SLC6A2: variants seen among roughly 807,000 people sequenced by gnomAD.
The protein encoded by SLC6A2 is sodium-dependent noradrenaline transporter.
A neutral mutation model predicts 71.7 loss-of-function variants in SLC6A2; 26 were observed. The observed-to-expected ratio is 0.36, with a 90% CI of 0.27 to 0.50. SLC6A2 has a LOEUF of 0.50. Among genes scored for constraint, SLC6A2 ranks in the 20% least tolerant of loss-of-function variants. SLC6A2 has a pLI of 0.96. For synonymous variants in SLC6A2, 363 were observed against 337.9 expected (o/e 1.07, Z -0.82); for missense variants, 581 against 803.9 (o/e 0.72, Z 3.35).
intron 3 of SLC6A2, among the ~76,000 whole-genome samples, chr16:55,670,963 A>G (rs538873815): frequency 1.3e-5 from 2 of 152,168 alleles, no homozygotes; most frequent in Non-Finnish European, 2.9e-5. Context: ...CCCTAGAAAA[A>G]AGCTATAGAA....
intron 13 of SLC6A2, among the ~76,000 whole-genome samples, 187 bp from the exon 14 acceptor site, chr16:55,701,676 C>T (rs901243337): frequency 6.6e-6 from 1 of 152,240 alleles, no homozygotes; most frequent in Admixed American, 6.5e-5. Flanking sequence ...GAAACAGTGT[C>T]TGGATGAGTG....
In SLC6A2 at chr16:55,694,044, C is replaced by T. The variant is rs1567453621; in HGVS notation, c.953C>T (p.Ser318Phe). The T allele has an allele frequency of 6.2e-7, 1 of 1,613,684 alleles. No homozygotes were observed. The stretch of plus-strand genomic sequence containing the variant: ...GATGCCGCAACTCAGATATTTTTTT[C>T]CTTGGGGGCTGGATTTGGAGTATTG... Reference protein sequence around the residue: ...WIDAATQIFFSLGAGFGVLIA... With the variant: ...WIDAATQIFFFLGAGFGVLIA... The change falls in exon 7 of 15, where the codon TCC becomes TTC. Residue 318 changes from serine to phenylalanine, a missense_variant. Around this residue, in one of 5 missense-constraint regions of SLC6A2, gnomAD observed 334 missense variants for 449.0 expected, o/e 0.74. Transcript: ENST00000568943.
chr16:55,663,246 G>T (rs36028), intron 2 of SLC6A2, among the ~76,000 whole-genome samples: 21,197 of 152,218 alleles, frequency 0.14, 1,512 homozygotes, highest in African/African-American at 0.17. Context: ...GAACCCCAGT[G>T]TGGGAGTGTT....
In SLC6A2 at chr16:55,672,189, C is replaced by T; in HGVS notation, c.644+14C>T. Reference sequence around the variant, plus strand: ...CGAGTTTTATGAGTAAGTCACAGACCCCTTGTGCTGGGCCTGTTGAGGCCA... The same window carrying T: ...CGAGTTTTATGAGTAAGTCACAGACTCCTTGTGCTGGGCCTGTTGAGGCCA... On this transcript the variant is annotated intron_variant, in intron 4 of 14. Transcript: ENST00000568943. 4 of 1,614,124 alleles carry T rather than the reference C, an allele frequency of 2.5e-6. No individual in the cohort carries two copies. The highest frequency in any genetic ancestry group is 3.4e-6 in the Non-Finnish European group (4 of 1,180,024).
At position 55,705,195 on chromosome 16, in the gene SLC6A2, A is replaced by G. The variant is rs1220532986; in HGVS notation, c.*2849A>G. ...CTCAATGTCTAGTTATTTAGCACCCACCTTTTAGCTTTCATTCTAGATGAA... is the reference window on the plus strand; with the variant it reads ...CTCAATGTCTAGTTATTTAGCACCCGCCTTTTAGCTTTCATTCTAGATGAA... On this transcript the variant is annotated 3_prime_UTR_variant, in exon 15 of 15. Transcript: ENST00000568943. 2 of 1,526,856 alleles carry G rather than the reference A, an allele frequency of 1.3e-6. No homozygotes were observed. The highest frequency in any genetic ancestry group is 1.8e-6 in the Non-Finnish European group (2 of 1,138,330). The allele number at this position is 1,526,856 out of a possible 1,614,324, so 94.6% of individuals were successfully genotyped here.
chr16:55,700,927 TTA>T (rs2142634607), intron 13 of SLC6A2, among the ~76,000 whole-genome samples: 1 of 152,310 alleles, frequency 6.6e-6, no homozygotes, highest in Admixed American at 6.5e-5. Flanking sequence ...TATTCTGAAA[TTA>T]TGTCACTCCT....
intron 2 of SLC6A2, among the ~76,000 whole-genome samples, chr16:55,668,056 A>C (rs1324927119): frequency 2.0e-5 from 3 of 152,084 alleles, no homozygotes; most frequent in Admixed American, 6.6e-5. Flanking sequence ...GGAGATGTTC[A>C]TTTCCCAGTA....
chr16:55,669,241 C>T (rs55648220), intron 2 of SLC6A2, among the ~76,000 whole-genome samples: 7,448 of 152,190 alleles, frequency 0.049, 343 homozygotes, highest in African/African-American at 0.13. Context: ...CTGGTAAAGG[C>T]TACACCTGTG....
At chr16:55,684,904 G>A (rs1965397878) in intron 4 of SLC6A2, among the ~76,000 whole-genome samples, 1 of 152,224 alleles carries the variant, frequency 6.6e-6, no homozygotes, top group Non-Finnish European at 1.5e-5. Context: ...GCAGCCATGA[G>A]CGTGGAATCT....
chr16:55,659,610 CA>C (rs1964556177), intron 2 of SLC6A2, among the ~76,000 whole-genome samples: 1 of 152,126 alleles, frequency 6.6e-6, no homozygotes, highest in Admixed American at 6.5e-5. Flanking sequence ...TTCTAATGCC[CA>C]AGATAAGTCC....
At chr16:55,657,107 G>A in intron 2 of SLC6A2, 139 bp downstream of exon 2, 1 of 886,040 alleles carries the variant, frequency 1.1e-6, no homozygotes, top group Non-Finnish European at 1.7e-6. Flanking sequence ...AACTGGACAG[G>A]GCTAACGGGA....
In SLC6A2 at chr16:55,671,874, C is replaced by A. The variant is rs746909128; in HGVS notation, c.407-64C>A. On this transcript the variant is annotated intron_variant, in intron 3 of 14. Coordinates refer to ENST00000568943, the MANE Select transcript of SLC6A2 (RefSeq NM_001172501.3). ...GGGAGTGCAGTGGTGGAGCCACACC[C>A]AAGGAGAGGTGGCTGTGGGGCTGGG... 3 of 1,610,292 alleles carry A rather than the reference C, an allele frequency of 1.9e-6. No homozygotes were observed. In the African/African-American group the frequency reaches 4.0e-5, roughly 22 times the overall value.
At chr16:55,686,243 A>C (rs555736383) in intron 5 of SLC6A2, among the ~76,000 whole-genome samples, 2 of 152,308 alleles carry the variant, frequency 1.3e-5, no homozygotes, top group Admixed American at 1.3e-4. Context: ...GTGCATACAC[A>C]TTGCTAGCAT....
At position 55,684,315 on chromosome 16, in the gene SLC6A2, A is replaced by AAAC. The variant is rs1265804969; in HGVS notation, c.645-816_645-814dup. Among the ~76,000 whole-genome samples, 116 of 146,650 alleles carry AAAC rather than the reference A, an allele frequency of 7.9e-4. 1 individual carries two copies. The highest frequency in any genetic ancestry group is 7.0e-3 in the Middle Eastern group (2 of 284). ...GAGCCTGTCTCAAAAAAAAAAAAAA[A>AAAC]AACAACAACAACAAAACTCCACTTT... On this transcript the variant is annotated intron_variant, in intron 4 of 14. Transcript: ENST00000568943.
chr16:55,670,251 C>G (rs1185523708), intron 3 of SLC6A2, among the ~76,000 whole-genome samples: 1 of 152,140 alleles, frequency 6.6e-6, no homozygotes, highest in African/African-American at 2.4e-5. Flanking sequence ...TTAGTCTCTC[C>G]CAAGCACTGG....
At chr16:55,687,469 G>A (rs1429215889) in intron 5 of SLC6A2, among the ~76,000 whole-genome samples, 1 of 152,176 alleles carries the variant, frequency 6.6e-6, no homozygotes, top group Non-Finnish European at 1.5e-5. Flanking sequence ...TCAGGTGCAG[G>A]TAGAGGTGGG....
Position 55,697,998 on chromosome 16 carries a change from C to T in SLC6A2, c.1362C>T (p.Phe454=), listed in dbSNP as rs1965851951. Residue 454 remains phenylalanine (F), a synonymous_variant, in exon 10 of 15, where the codon TTC becomes TTT. Coordinates refer to ENST00000568943, the MANE Select transcript of SLC6A2 (RefSeq NM_001172501.3). ...LFTFGVTFST[F]LLALFCITKG... The stretch of plus-strand genomic sequence containing the variant: ...CATTTGGCGTCACCTTCAGCACTTT[C>T]CTTCTCGCCCTGTTCTGCATAACCA... 1 of 1,614,174 alleles carries T rather than the reference C, an allele frequency of 6.2e-7. No homozygotes were observed. Among genetic ancestry groups the T allele is most frequent in the African/African-American group, 1.3e-5 (1 of 75,056 alleles).
At chr16:55,657,015 TC>T (rs1182448715) in intron 2 of SLC6A2, 47 bp downstream of exon 2, 1 of 1,597,796 alleles carries the variant, frequency 6.3e-7, no homozygotes, top group Admixed American at 1.7e-5. Flanking sequence ...AGGTCCACTG[TC>T]TGCAGCGGTG....
intron 4 of SLC6A2, among the ~76,000 whole-genome samples, chr16:55,676,921 C>T (rs1965107122): frequency 6.6e-6 from 1 of 152,202 alleles, no homozygotes; most frequent in Non-Finnish European, 1.5e-5. Flanking sequence ...GACTGCACAT[C>T]AGAATCACCT....
Sources: allele counts gnomAD v4.1 joint callset (sites outside exome capture counted in the v4.1 genomes callset), GRCh38; gene constraint gnomAD v4.1.1; regional missense constraint gnomAD v4.1.1; transcripts MANE v1.5; gene names NCBI Gene and HGNC (gene_info 2026-07-23, HGNC 2026-07-21).